GREB1L: variants seen among roughly 807,000 people sequenced by gnomAD.
GREB1L encodes the protein GREB1-like protein.
In GREB1L, 17 loss-of-function variants were observed where a neutral mutation model predicts 200.8. The observed-to-expected ratio is 0.08, with a 90% CI of 0.06 to 0.13. The LOEUF (loss-of-function observed/expected upper bound fraction) is 0.13, where lower values mean the gene tolerates loss of function less well. GREB1L is among the 10% of genes least tolerant of loss of function. The probability of loss-of-function intolerance (pLI) is 1.00; values close to 1 mark genes in which losing one functional copy is unlikely to be tolerated. For missense variants in GREB1L, 1,657 were observed against 2,367.7 expected (o/e 0.70, Z 6.23); for synonymous variants, 789 against 893.0 (o/e 0.88, Z 2.08).
At chr18:21,323,618 G>C (rs867288680) in intron 1 of GREB1L, among the ~76,000 whole-genome samples, 2 of 152,102 alleles carry the variant, frequency 1.3e-5, no homozygotes, top group Admixed American at 1.3e-4. Context: ...AGTACCTGTG[G>C]CTACTCCAAA....
At chr18:21,422,958 T>A (rs2032275315) in intron 7 of GREB1L, among the ~76,000 whole-genome samples, 1 of 151,920 alleles carries the variant, frequency 6.6e-6, no homozygotes, top group Admixed American at 6.6e-5. Context: ...TTAGACGGAG[T>A]CTTGCTCTGT....
At chr18:21,272,218 C>T (rs796645535) in intron 1 of GREB1L, among the ~76,000 whole-genome samples, 9 of 152,330 alleles carry the variant, frequency 5.9e-5, no homozygotes, top group African/African-American at 2.2e-4. Flanking sequence ...CAGGTCCTTT[C>T]ATCTTGTTCC....
intron 19 of GREB1L, among the ~76,000 whole-genome samples, chr18:21,493,594 C>T (rs941592632): frequency 1.3e-5 from 2 of 152,130 alleles, no homozygotes; most frequent in African/African-American, 4.8e-5. Flanking sequence ...AGGCCAGGTG[C>T]AGTGGCTCAC....
chr18:21,336,044 G>A (rs1218262959), intron 1 of GREB1L, among the ~76,000 whole-genome samples: 7 of 152,118 alleles, frequency 4.6e-5, no homozygotes, highest in Non-Finnish European at 8.8e-5. Flanking sequence ...GAGCAAGGCT[G>A]CACTGACGTT....
chr18:21,354,277 C>T (rs1158751070), intron 1 of GREB1L, among the ~76,000 whole-genome samples: 3 of 151,956 alleles, frequency 2.0e-5, no homozygotes, highest in Admixed American at 6.6e-5. Flanking sequence ...CAATCTGATA[C>T]GTTAGATTAT....
intron 1 of GREB1L, among the ~76,000 whole-genome samples, chr18:21,277,509 C>A (rs572709736): frequency 6.6e-6 from 1 of 152,268 alleles, no homozygotes; most frequent in African/African-American, 2.4e-5. Flanking sequence ...CATTTTCCTG[C>A]CTCTTAAGTA....
chr18:21,437,790 T>A (rs1476594821), intron 7 of GREB1L, among the ~76,000 whole-genome samples: 1 of 152,222 alleles, frequency 6.6e-6, no homozygotes, highest in African/African-American at 2.4e-5. Flanking sequence ...AAATTCAGTA[T>A]GTGCATCTTT....
At chr18:21,372,652 T>C (rs1313811904) in intron 2 of GREB1L, among the ~76,000 whole-genome samples, 2 of 152,136 alleles carry the variant, frequency 1.3e-5, no homozygotes, top group South Asian at 2.1e-4. Context: ...CCGGGTGCGG[T>C]GGCTCATGCC....
intron 7 of GREB1L, among the ~76,000 whole-genome samples, chr18:21,419,102 A>G (rs1373759574): frequency 6.6e-6 from 1 of 152,238 alleles, no homozygotes; most frequent in East Asian, 1.9e-4. Flanking sequence ...TTCATGCCGT[A>G]TAGTTTTGCT....
At chr18:21,446,084 G>C (rs1329697765) in intron 11 of GREB1L, among the ~76,000 whole-genome samples, 1 of 152,160 alleles carries the variant, frequency 6.6e-6, no homozygotes, top group Non-Finnish European at 1.5e-5. Flanking sequence ...GAGTGCAGTG[G>C]TGCGATCTCG....
intron 2 of GREB1L, among the ~76,000 whole-genome samples, chr18:21,378,725 C>G (rs2143918570): frequency 6.6e-6 from 1 of 152,262 alleles, no homozygotes; most frequent in East Asian, 1.9e-4. Flanking sequence ...GGAATAGAGT[C>G]AGCTAATTCC....
At chr18:21,305,731 C>A (rs1205679044) in intron 1 of GREB1L, among the ~76,000 whole-genome samples, 1 of 152,224 alleles carries the variant, frequency 6.6e-6, no homozygotes, top group South Asian at 2.1e-4. Flanking sequence ...AATCTAAATT[C>A]TTTGCCCTGT....
chr18:21,266,590 C>A (rs1239026317), intron 1 of GREB1L, among the ~76,000 whole-genome samples: 1 of 152,114 alleles, frequency 6.6e-6, no homozygotes, highest in Non-Finnish European at 1.5e-5. Flanking sequence ...ATATTGTGTT[C>A]GTGCCTACTA....
chr18:21,254,261 G>C (rs1023918752), intron 1 of GREB1L, among the ~76,000 whole-genome samples: 1 of 151,558 alleles, frequency 6.6e-6, no homozygotes, highest in African/African-American at 2.4e-5. Context: ...GTACAGACAG[G>C]GTTTCACCAT....
At chr18:21,402,175 G>T (rs988601848) in intron 6 of GREB1L, among the ~76,000 whole-genome samples, 3 of 152,088 alleles carry the variant, frequency 2.0e-5, no homozygotes, top group Admixed American at 1.3e-4. Context: ...TCATAAGCTG[G>T]TGAATTATAG....
At chr18:21,286,582 A>T (rs571029786) in intron 1 of GREB1L, among the ~76,000 whole-genome samples, 2 of 152,244 alleles carry the variant, frequency 1.3e-5, no homozygotes, top group Admixed American at 6.5e-5. Flanking sequence ...AGAAGTATTC[A>T]GTGAGCCTCT....
chr18:21,282,902 C>A (rs930022083), intron 1 of GREB1L, among the ~76,000 whole-genome samples: 1 of 152,190 alleles, frequency 6.6e-6, no homozygotes, highest in African/African-American at 2.4e-5. Context: ...CCAGCCTTTG[C>A]CATTACTTTT....
chr18:21,342,309 G>A (rs1340346250), intron 1 of GREB1L, among the ~76,000 whole-genome samples: 1 of 152,094 alleles, frequency 6.6e-6, no homozygotes, highest in Non-Finnish European at 1.5e-5. Context: ...TCATGAACAT[G>A]TTATATTCAA....
chr18:21,349,606 A>G (rs1170958301), intron 1 of GREB1L, among the ~76,000 whole-genome samples: 1 of 152,080 alleles, frequency 6.6e-6, no homozygotes, highest in Non-Finnish European at 1.5e-5. Flanking sequence ...CTGTCAGATC[A>G]GTGGCGGCAT....
Sources: gnomAD v4.1 joint callset for allele counts (sites outside exome capture counted in the v4.1 genomes callset) on GRCh38, gnomAD v4.1.1 for gene constraint, MANE v1.5 for transcripts, NCBI Gene and HGNC (gene_info 2026-07-23, HGNC 2026-07-21) for gene names.